The following DNAJC13 variants were observed in gnomAD, a reference collection of about 807,000 sequenced individuals.
The protein encoded by DNAJC13 is dnaJ homolog subfamily C member 13.
In DNAJC13, 75 loss-of-function variants were observed where a neutral mutation model predicts 290.5. The ratio of observed to expected loss-of-function variants is 0.26; its 90% CI spans 0.21 to 0.31. The LOEUF (loss-of-function observed/expected upper bound fraction) is 0.31. Ranked by LOEUF, DNAJC13 falls within the 10% of genes least tolerant of loss-of-function variation. The probability of loss-of-function intolerance (pLI) is 1.00; values close to 1 mark genes in which losing one functional copy is unlikely to be tolerated. For missense variants in DNAJC13, 2,260 were observed against 2,674.5 expected, an observed-to-expected ratio of 0.85 and a Z score of 3.42; for synonymous variants, 862 against 892.0, an observed-to-expected ratio of 0.97 and a Z score of 0.60.
chr3:132,512,920 A>G, intron 44 of DNAJC13, 88 bp from the exon 45 acceptor site: 1 of 1,051,656 alleles, frequency 9.5e-7, no homozygotes, highest in Non-Finnish European at 1.5e-6. Context: ...CTTAAAATTG[A>G]CAGTAAACAA....
chr3:132,465,635 G>C (rs1933954129), intron 17 of DNAJC13, among the ~76,000 whole-genome samples: 1 of 152,034 alleles, frequency 6.6e-6, no homozygotes, highest in Non-Finnish European at 1.5e-5. Flanking sequence ...GGATGCCATT[G>C]TCACTATATT....
Position 132,460,250 on chromosome 3 carries a change from C to A in DNAJC13, c.1450C>A (p.Pro484Thr). 6.3e-7 allele frequency: 1 copy of A among 1,589,970 alleles called. No individual in the cohort carries two copies. Among genetic ancestry groups the A allele is most frequent in the Non-Finnish European group, 8.6e-7 (1 of 1,164,114 alleles). The change falls in exon 14 of 56, where the codon CCC becomes ACC. Residue 484 changes from proline to threonine, a missense_variant and splice_region_variant. Pro to Thr is a conservative substitution (Grantham distance 38). Around this residue, in one of 3 missense-constraint regions of DNAJC13, gnomAD observed 762 missense variants for 964.1 expected, o/e 0.79. Transcript: ENST00000260818. ...AVDMLCALMC[P>T]MHDDYDLRQE... is the part of the protein sequence containing the mutation. The stretch of plus-strand genomic sequence containing the variant: ...ACTGTTTTTTTTTTTTCATCAATAG[C>A]CCATGCATGATGACTATGACTTAAG...
At chr3:132,464,441 A>C (rs542287127) in intron 17 of DNAJC13, among the ~76,000 whole-genome samples, 5 of 152,130 alleles carry the variant, frequency 3.3e-5, no homozygotes, top group Non-Finnish European at 7.4e-5. Flanking sequence ...CTATATTATG[A>C]CTCATATTAG....
At chr3:132,506,793 A>C (rs1576507946) in intron 42 of DNAJC13, among the ~76,000 whole-genome samples, 1 of 148,786 alleles carries the variant, frequency 6.7e-6, no homozygotes, top group African/African-American at 2.5e-5. Flanking sequence ...CTCATGATCC[A>C]CCCGCCTCGG....
At chr3:132,524,433 C>T (rs904201228) in intron 51 of DNAJC13, among the ~76,000 whole-genome samples, 1 of 152,168 alleles carries the variant, frequency 6.6e-6, no homozygotes, top group South Asian at 2.1e-4. Flanking sequence ...TGACCTTGGG[C>T]AGTACCTCAT....
chr3:132,438,595 G>T (rs974177595), intron 2 of DNAJC13, among the ~76,000 whole-genome samples: 11 of 152,172 alleles, frequency 7.2e-5, no homozygotes, highest in African/African-American at 2.7e-4. Context: ...TTTATTGATT[G>T]TGGAAGTAAA....
chr3:132,446,421 TATAAA>T (rs1933245744), intron 2 of DNAJC13, 49 bp from the exon 3 acceptor site: 1 of 1,255,346 alleles, frequency 8.0e-7, no homozygotes, highest in African/African-American at 1.5e-5. Context: ...TATATTTTCT[TATAAA>T]ATATCTTTTT....
chr3:132,420,206 A>G (rs1008647060), intron 1 of DNAJC13, among the ~76,000 whole-genome samples: 30 of 152,234 alleles, frequency 2.0e-4, no homozygotes, highest in African/African-American at 6.8e-4. Flanking sequence ...GGTCTACTAG[A>G]AAAGACTGGA....
intron 55 of DNAJC13, among the ~76,000 whole-genome samples, chr3:132,534,398 G>A (rs1009605929): frequency 6.6e-6 from 1 of 152,180 alleles, no homozygotes; most frequent in African/African-American, 2.4e-5. Context: ...GCTCATGTCT[G>A]TAATCCCAGC....
chr3:132,480,534 G>T, intron 26 of DNAJC13, 64 bp downstream of exon 26: 1 of 1,206,122 alleles, frequency 8.3e-7, no homozygotes. Context: ...AGAGGCAAAA[G>T]AATCATAGAA....
intron 36 of DNAJC13, among the ~76,000 whole-genome samples, chr3:132,497,899 C>A (rs1331566064): frequency 6.6e-6 from 1 of 151,474 alleles, no homozygotes; most frequent in Non-Finnish European, 1.5e-5. Context: ...TTCCAGGGGG[C>A]CTTTTTTTTA....
At chr3:132,473,759 C>T (rs1162047900) in intron 21 of DNAJC13, among the ~76,000 whole-genome samples, 1 of 152,138 alleles carries the variant, frequency 6.6e-6, no homozygotes, top group African/African-American at 2.4e-5. Context: ...AGATAACTCA[C>T]AGTACTCACT....
At position 132,499,146 on chromosome 3, in the gene DNAJC13, G is replaced by A. The variant is rs1269873727; in HGVS notation, c.4177G>A (p.Ala1393Thr). The A allele has an allele frequency of 3.1e-6, 5 of 1,605,730 alleles. No individual in the cohort carries two copies. ...HKEDLQPYKY[A>T]GYPMLIRTIT... ...TTCAGATTTACAGCCTTATAAATATGCAGGATACCCCATGCTTATTCGGAC... is the reference window on the plus strand; with the variant it reads ...TTCAGATTTACAGCCTTATAAATATACAGGATACCCCATGCTTATTCGGAC... Residue 1393 changes from alanine (A) to threonine (T), a missense_variant, in exon 37 of 56, where the codon GCA becomes ACA. Coordinates refer to ENST00000260818, the MANE Select transcript of DNAJC13 (RefSeq NM_015268.4).
chr3:132,481,721 G>T (rs1271567549), intron 26 of DNAJC13, among the ~76,000 whole-genome samples: 1 of 152,184 alleles, frequency 6.6e-6, no homozygotes, highest in Middle Eastern at 3.2e-3. Context: ...ATTAAATTGA[G>T]ACTATATAAA....
At chr3:132,476,891 A>G (rs1934491116) in intron 22 of DNAJC13, among the ~76,000 whole-genome samples, 1 of 152,136 alleles carries the variant, frequency 6.6e-6, no homozygotes, top group South Asian at 2.1e-4. Context: ...ACATACACAC[A>G]TATTTACATA....
intron 1 of DNAJC13, among the ~76,000 whole-genome samples, chr3:132,420,735 C>T (rs1338169093): frequency 6.6e-6 from 1 of 152,066 alleles, no homozygotes; most frequent in Non-Finnish European, 1.5e-5. Flanking sequence ...CTGTAATACA[C>T]TGAGGATAAC....
intron 51 of DNAJC13, among the ~76,000 whole-genome samples, chr3:132,524,943 A>T (rs1367118022): frequency 4.6e-5 from 7 of 152,214 alleles, no homozygotes; most frequent in Admixed American, 6.5e-5. Flanking sequence ...TGGGAAAAAC[A>T]TTTCACTAGT....
At chr3:132,517,529 T>G (rs1935954012) in intron 48 of DNAJC13, among the ~76,000 whole-genome samples, 2 of 151,906 alleles carry the variant, frequency 1.3e-5, no homozygotes, top group Admixed American at 1.3e-4. Context: ...GGCTCAGGAG[T>G]CCTACTTTCA....
At chr3:132,442,129 TAA>T (rs35160310) in intron 2 of DNAJC13, among the ~76,000 whole-genome samples, 42 of 143,730 alleles carry the variant, frequency 2.9e-4, no homozygotes, top group South Asian at 8.8e-4. Flanking sequence ...TGCCATATGT[TAA>T]AAAAAAAAAA....
Sources: allele counts gnomAD v4.1 joint callset (sites outside exome capture counted in the v4.1 genomes callset), GRCh38; gene constraint gnomAD v4.1.1; regional missense constraint gnomAD v4.1.1; transcripts MANE v1.5; gene names NCBI Gene and HGNC (gene_info 2026-07-23, HGNC 2026-07-21).